TPD52L1: variants seen among roughly 807,000 people sequenced by gnomAD.
The protein encoded by TPD52L1 is TPD52 like 1.
In TPD52L1, 18 loss-of-function variants were observed where a neutral mutation model predicts 28.7. The observed-to-expected ratio is 0.63, with a 90% CI of 0.43 to 0.93. The LOEUF (loss-of-function observed/expected upper bound fraction) is 0.93. TPD52L1 is among the 40% of genes least tolerant of loss of function. TPD52L1 has a pLI of 0.00. For synonymous variants in TPD52L1, 75 were observed against 88.8 expected, an observed-to-expected ratio of 0.84 and a Z score of 0.88; for missense variants, 203 against 254.8, an observed-to-expected ratio of 0.80 and a Z score of 1.39.
chr6:125,223,993 GT>G (rs1362426598), intron 2 of TPD52L1, among the ~76,000 whole-genome samples: 2 of 151,072 alleles, frequency 1.3e-5, no homozygotes. Context: ...TTAATCTTTT[GT>G]TTCAGATATT....
At chr6:125,215,682 G>T (rs1455176381) in intron 1 of TPD52L1, among the ~76,000 whole-genome samples, 1 of 152,100 alleles carries the variant, frequency 6.6e-6, no homozygotes, top group African/African-American at 2.4e-5. Flanking sequence ...AGGTTTATGC[G>T]CTCCCCCTCT....
intron 3 of TPD52L1, among the ~76,000 whole-genome samples, chr6:125,233,528 A>C (rs978407612): frequency 2.6e-5 from 4 of 152,210 alleles, no homozygotes; most frequent in Non-Finnish European, 5.9e-5. Flanking sequence ...CTTATTACAC[A>C]AGGCAGGAAG....
chr6:125,232,779 T>A (rs564936564), intron 3 of TPD52L1, among the ~76,000 whole-genome samples: 2 of 152,276 alleles, frequency 1.3e-5, no homozygotes, highest in Non-Finnish European at 2.9e-5. Context: ...TACAGAAAGA[T>A]TCCAGGAATA....
chr6:125,257,422 T>A lies in TPD52L1; in HGVS notation c.486+264T>A, dbSNP rs562295648. Among the ~76,000 whole-genome samples, 3 of 152,352 alleles carry A rather than the reference T, an allele frequency of 2.0e-5. No homozygotes were observed. The East Asian group carries it at 5.8e-4, about 29-fold the overall frequency. ...CGTTTACCACTTAATCTCTTAATGC[T>A]ATCCCTCCAAAAGTAGATATGTGAG... On this transcript the variant is annotated intron_variant, in intron 6 of 6. Coordinates refer to ENST00000534000, the MANE Select transcript of TPD52L1 (RefSeq NM_003287.4).
At chr6:125,215,004 G>A (rs778483597) in intron 1 of TPD52L1, among the ~76,000 whole-genome samples, 8 of 152,124 alleles carry the variant, frequency 5.3e-5, no homozygotes, top group Non-Finnish European at 1.2e-4. Context: ...CAGACAGGGG[G>A]CCACAGTTTG....
chr6:125,193,742 A>G (rs917429961), intron 1 of TPD52L1, among the ~76,000 whole-genome samples: 2 of 152,182 alleles, frequency 1.3e-5, no homozygotes, highest in African/African-American at 4.8e-5. Flanking sequence ...GTGTGTATAT[A>G]TGTCCTCCTC....
rs112596220 is a variant in TPD52L1, at chr6:125,235,350, A to G, written c.284+6084A>G. Among the ~76,000 whole-genome samples, 331 of 152,208 alleles carry G rather than the reference A, an allele frequency of 2.2e-3. 2 individuals are homozygous for G. The highest frequency in any genetic ancestry group is 7.4e-3 in the African/African-American group (306 of 41,534). On this transcript the variant is annotated intron_variant, in intron 3 of 6. Transcript: ENST00000534000. ...TCTGGGCTTCCCTGGGCCACACTGG[A>G]AGGAGAATTGTCTTGGGCCACACAT...
At chr6:125,244,820 A>G (rs573002405) in intron 3 of TPD52L1, among the ~76,000 whole-genome samples, 1 of 152,248 alleles carries the variant, frequency 6.6e-6, no homozygotes, top group South Asian at 2.1e-4. Flanking sequence ...TGTGCCCAGC[A>G]CTGCAATTGT....
chr6:125,165,092 A>ATATATATATATATATATATATATATT lies in TPD52L1; in HGVS notation c.19+11129_19+11130insATATATATATATATATATTTATATAT. Among the ~76,000 whole-genome samples the ATATATATATATATATATATATATATT allele has an allele frequency of 3.1e-3, 319 of 104,150 alleles. 21 individuals carry two copies. Among genetic ancestry groups the ATATATATATATATATATATATATATT allele is most frequent in the African/African-American group, 0.014 (224 of 16,448 alleles). The allele number at this position is 104,150 out of a possible 152,430, so 68.3% of individuals were successfully genotyped here. A position where few individuals can be genotyped will look rare whatever the true frequency, so the allele number is the denominator to read the frequency against. ...CCTGTCTCTTAAAAAAAAGATATAT[A>ATATATATATATATATATATATATATT]TATATATTTTAACTGTATATATATA... On this transcript the variant is annotated intron_variant, in intron 1 of 6. Coordinates refer to ENST00000534000, the MANE Select transcript of TPD52L1 (RefSeq NM_003287.4).
chr6:125,260,092 G>C (rs563495086), intron 6 of TPD52L1: 1 of 152,308 alleles, frequency 6.6e-6, no homozygotes, highest in African/African-American at 2.4e-5. Flanking sequence ...AAGCACAGAA[G>C]AAAACGTCAG....
chr6:125,178,092 T>A (rs1464700899), intron 1 of TPD52L1, among the ~76,000 whole-genome samples: 1 of 152,202 alleles, frequency 6.6e-6, no homozygotes, highest in African/African-American at 2.4e-5. Flanking sequence ...AGTCTCTCAA[T>A]AGACCATATT....
At chr6:125,192,319 ATCTTTTTTTTTTTTT>A in intron 1 of TPD52L1, among the ~76,000 whole-genome samples, 1 of 143,810 alleles carries the variant, frequency 7.0e-6, no homozygotes, top group East Asian at 2.2e-4. Flanking sequence ...AACAAAAAAA[ATCTTTTTTTTTTTTT>A]TATCTGGTGT....
chr6:125,225,429 A>T lies in TPD52L1; in HGVS notation c.136-3689A>T, dbSNP rs187812346. ...GTTTAACTTTCTGAGAAACTGTACG[A>T]CTGTTTTCCACAGTGGCGGAACTAT... On this transcript the variant is annotated intron_variant, in intron 2 of 6. Coordinates refer to ENST00000534000, the MANE Select transcript of TPD52L1 (RefSeq NM_003287.4). 1.8e-3 allele frequency among the ~76,000 whole-genome samples: 273 copies of T among 152,274 alleles called. 1 individual carries two copies. The highest frequency in any genetic ancestry group is 6.2e-3 in the African/African-American group (259 of 41,560).
At chr6:125,229,017 A>G in intron 2 of TPD52L1, 101 bp from the exon 3 acceptor site, 1 of 1,273,834 alleles carries the variant, frequency 7.9e-7, no homozygotes, top group East Asian at 2.5e-5. Flanking sequence ...GATTGTATAA[A>G]TAGGAGGGTC....
chr6:125,239,173 G>A (rs1796469189), intron 3 of TPD52L1, among the ~76,000 whole-genome samples: 1 of 152,078 alleles, frequency 6.6e-6, no homozygotes, highest in African/African-American at 2.4e-5. Flanking sequence ...CATTTTTGCA[G>A]GAGTAAGGTG....
chr6:125,169,429 C>T (rs993532375), intron 1 of TPD52L1, among the ~76,000 whole-genome samples: 7 of 150,594 alleles, frequency 4.6e-5, no homozygotes, highest in African/African-American at 1.7e-4. Flanking sequence ...TTGAACTCAA[C>T]ATGTCTAACA....
intron 3 of TPD52L1, among the ~76,000 whole-genome samples, chr6:125,235,735 C>G (rs551898281): frequency 6.6e-6 from 1 of 152,336 alleles, no homozygotes; most frequent in Admixed American, 6.5e-5. Context: ...TAGCAACTAA[C>G]TGTTTTCAAG....
chr6:125,154,362 C>T (rs1789969719), intron 1 of TPD52L1: 1 of 1,022,520 alleles, frequency 9.8e-7, no homozygotes, highest in Non-Finnish European at 1.2e-6. Context: ...TGACTCTTTT[C>T]GCCCAGCGCC....
intron 3 of TPD52L1, among the ~76,000 whole-genome samples, chr6:125,232,501 G>A (rs942995806): frequency 1.3e-5 from 2 of 152,070 alleles, no homozygotes; most frequent in Non-Finnish European, 2.9e-5. Context: ...AAGAAATGAT[G>A]AGCTATGATC....
Sources: allele counts gnomAD v4.1 joint callset (sites outside exome capture counted in the v4.1 genomes callset), GRCh38; gene constraint gnomAD v4.1.1; transcripts MANE v1.5; gene names NCBI Gene and HGNC (gene_info 2026-07-23, HGNC 2026-07-21).